Variants in NCALD observed in about 807,000 individuals in gnomAD.
NCALD encodes neurocalcin delta.
Under a neutral mutation model 18.6 loss-of-function variants are expected in NCALD, and 10 were observed. The observed-to-expected ratio is 0.54, with a 90% CI of 0.33 to 0.91. NCALD has a LOEUF of 0.91. Ranked by LOEUF, NCALD falls within the 40% of genes least tolerant of loss-of-function variation. NCALD has a pLI of 0.03. For missense variants in NCALD, 184 were observed against 247.6 expected (o/e 0.74, Z 1.72); for synonymous variants, 88 against 87.4 (o/e 1.01, Z -0.04).
chr8:101,936,197 T>C (rs1029966193), intron 2 of NCALD, among the ~76,000 whole-genome samples: 1 of 152,160 alleles, frequency 6.6e-6, no homozygotes, highest in Non-Finnish European at 1.5e-5. Context: ...TAAGGAGATT[T>C]AGTAGGATTC....
intron 2 of NCALD, among the ~76,000 whole-genome samples, chr8:102,007,473 A>C (rs1264056651): frequency 6.6e-6 from 1 of 152,238 alleles, no homozygotes; most frequent in African/African-American, 2.4e-5. Flanking sequence ...TGAAAAGTAC[A>C]GCTCTAAAGG....
At chr8:101,942,107 TAAC>T (rs1208973407) in intron 2 of NCALD, among the ~76,000 whole-genome samples, 2 of 152,198 alleles carry the variant, frequency 1.3e-5, no homozygotes, top group Non-Finnish European at 2.9e-5. Flanking sequence ...AAGTCTCACT[TAAC>T]ATCATTCATT....
chr8:101,944,731 T>C (rs1791401351), intron 2 of NCALD, among the ~76,000 whole-genome samples: 1 of 152,202 alleles, frequency 6.6e-6, no homozygotes, highest in East Asian at 1.9e-4. Context: ...CCAATGGTGA[T>C]GGCAGCCCTC....
chr8:102,116,895 A>T (rs1299886665), intron 1 of NCALD, among the ~76,000 whole-genome samples: 1 of 152,218 alleles, frequency 6.6e-6, no homozygotes, highest in Non-Finnish European at 1.5e-5. Flanking sequence ...TCTTGAAATA[A>T]AATCATTCTG....
chr8:101,781,625 T>C (rs1020517969), intron 1 of NCALD, among the ~76,000 whole-genome samples: 4 of 152,148 alleles, frequency 2.6e-5, no homozygotes, highest in Non-Finnish European at 5.9e-5. Context: ...TGTGATCAAA[T>C]AGTTAAAAAA....
chr8:101,989,518 TATA>T (rs1820962156), intron 2 of NCALD, among the ~76,000 whole-genome samples: 3 of 152,254 alleles, frequency 2.0e-5, no homozygotes, highest in Admixed American at 2.0e-4. Flanking sequence ...TGTTTAAAAT[TATA>T]ATGTGGCAAC....
chr8:102,106,139 G>A (rs1237060974), intron 1 of NCALD, among the ~76,000 whole-genome samples: 1 of 150,748 alleles, frequency 6.6e-6, no homozygotes, highest in Non-Finnish European at 1.5e-5. Flanking sequence ...GCGCAATCTC[G>A]GCTCAGTGCA....
intron 1 of NCALD, among the ~76,000 whole-genome samples, chr8:101,726,593 A>G (rs1401207161): frequency 6.6e-6 from 1 of 152,200 alleles, no homozygotes; most frequent in Admixed American, 6.5e-5. Context: ...ATGCAAGAGA[A>G]GCAGGGCTTT....
At chr8:102,108,734 A>G (rs1295787340) in intron 1 of NCALD, among the ~76,000 whole-genome samples, 1 of 152,168 alleles carries the variant, frequency 6.6e-6, no homozygotes, top group Non-Finnish European at 1.5e-5. Flanking sequence ...TTCACAATAA[A>G]TGTTTGTTAA....
chr8:101,784,765 C>T (rs1007380981), intron 1 of NCALD, among the ~76,000 whole-genome samples: 2 of 151,968 alleles, frequency 1.3e-5, no homozygotes, highest in African/African-American at 4.8e-5. Context: ...CACCACTGCA[C>T]TTCAGCCTGG....
At chr8:102,026,247 T>C (rs1374985776) in intron 1 of NCALD, among the ~76,000 whole-genome samples, 3 of 152,162 alleles carry the variant, frequency 2.0e-5, no homozygotes, top group Non-Finnish European at 2.9e-5. Context: ...AAAGTCTCAA[T>C]TCATTCTAGC....
chr8:102,065,144 T>G lies in NCALD; in HGVS notation c.-209-44855A>C, dbSNP rs559127384. On this transcript the variant is annotated intron_variant, in intron 1 of 6. Coordinates refer to the NCALD transcript ENST00000311028. Reference sequence around the variant, plus strand: ...AGTGGAGAAAGAAGAAAGAAACAGTTGGAGAGATGTTCTCCAGGCTTGAAA... The same window carrying G: ...AGTGGAGAAAGAAGAAAGAAACAGTGGGAGAGATGTTCTCCAGGCTTGAAA... Among the ~76,000 whole-genome samples the G allele has an allele frequency of 3.9e-5, 6 of 152,004 alleles. No individual in the cohort carries two copies. The South Asian group carries it at 6.3e-4, about 16-fold the overall frequency.
chr8:101,795,601 AAG>A (rs1472542513), upstream of NCALD, among the ~76,000 whole-genome samples: 1 of 152,156 alleles, frequency 6.6e-6, no homozygotes, highest in African/African-American at 2.4e-5. Context: ...ACCTCCCAAA[AAG>A]GCCCACCTCC....
chr8:101,715,670 C>T (rs1816044348), intron 2 of NCALD, among the ~76,000 whole-genome samples: 1 of 152,138 alleles, frequency 6.6e-6, no homozygotes, highest in African/African-American at 2.4e-5. Context: ...TGAACAGACA[C>T]TTCTCAAAAG....
At chr8:102,052,425 G>C (rs2132226633) in intron 1 of NCALD, among the ~76,000 whole-genome samples, 1 of 152,292 alleles carries the variant, frequency 6.6e-6, no homozygotes, top group Non-Finnish European at 1.5e-5. Context: ...AGACCCACCT[G>C]CCATGACAAT....
chr8:101,815,200 T>C (rs914118148), intron 4 of NCALD, among the ~76,000 whole-genome samples: 2 of 152,110 alleles, frequency 1.3e-5, no homozygotes, highest in Non-Finnish European at 2.9e-5. Flanking sequence ...AGGACTGACA[T>C]TACTTGACTT....
chr8:101,692,116 G>T (rs1814756225), intron 3 of NCALD: 1 of 981,208 alleles, frequency 1.0e-6, no homozygotes, highest in Non-Finnish European at 1.2e-6. Context: ...GAAATTCCAG[G>T]ATAATTGGGC....
intron 2 of NCALD, among the ~76,000 whole-genome samples, chr8:101,929,178 C>A (rs1818446647): frequency 7.0e-6 from 1 of 143,616 alleles, no homozygotes; most frequent in Non-Finnish European, 1.5e-5. Context: ...AGCAAGAAAT[C>A]AAGAACCCAG....
chr8:101,698,655 A>T (rs1815115984), intron 2 of NCALD, among the ~76,000 whole-genome samples: 1 of 152,232 alleles, frequency 6.6e-6, no homozygotes, highest in Non-Finnish European at 1.5e-5. Context: ...GATCTTTGAC[A>T]AACCTCACAA....
Sources: allele counts gnomAD v4.1 joint callset (sites outside exome capture counted in the v4.1 genomes callset), GRCh38; gene constraint gnomAD v4.1.1; transcripts MANE v1.5; gene names NCBI Gene and HGNC (gene_info 2026-07-23, HGNC 2026-07-21).